Variants in NBEAL2 observed in about 807,000 individuals in gnomAD.
The protein encoded by NBEAL2 is neurobeachin-like protein 2.
NBEAL2 carries 160 observed loss-of-function variants against 299.8 expected under a neutral mutation model. That is an observed-to-expected ratio of 0.53 (90% confidence interval 0.47 to 0.61). NBEAL2 has a LOEUF of 0.61. Among genes scored for constraint, NBEAL2 ranks in the 20% least tolerant of loss-of-function variants. The pLI is 0.00. For missense variants in NBEAL2, 3,112 were observed against 3,649.0 expected (o/e 0.85, Z 3.79); for synonymous variants, 1,493 against 1,542.3 (o/e 0.97, Z 0.75).
rs375310853 is a variant in NBEAL2 at position 47,001,444 on chromosome 3, A to AC, written c.4644+10dup. 11 of 1,610,226 alleles carry AC rather than the reference A, an allele frequency of 6.8e-6. No individual in the cohort carries two copies. The highest frequency in any genetic ancestry group is 1.7e-4 in the Middle Eastern group (1 of 6,058). On this transcript the variant is annotated splice_region_variant and intron_variant, in intron 29 of 53. Coordinates refer to ENST00000450053, the MANE Select transcript of NBEAL2 (RefSeq NM_015175.3). This position sits in a 1 kb window ranked among gnomAD's most constrained non-coding sequence, Gnocchi z 6.1. ...AGGAACTGTGGAGTGAGAAGGTGCG[A>AC]CCCCTCAGAGAGGCGTGAGCCACAT...
rs1480714818 is a variant in NBEAL2 at position 47,002,982 on chromosome 3, C to T, written c.5485C>T (p.Leu1829=). 6.2e-7 allele frequency: 1 copy of T among 1,613,274 alleles called. No individual in the cohort carries two copies. Among genetic ancestry groups the T allele is most frequent in the African/African-American group, 1.3e-5 (1 of 74,944 alleles). The part of the protein sequence containing the change: ...LRDTPIPRWK[L]SSAETYSRMR... ...GGACACTCCCATCCCCCGCTGGAAA[C>T]TGTCCAGCGCCGAGACATATTCACG... Residue 1829 remains leucine (L), a synonymous_variant, in exon 34 of 54, where the codon CTG becomes TTG. Coordinates refer to ENST00000450053, the MANE Select transcript of NBEAL2 (RefSeq NM_015175.3).
Position 47,002,041 on chromosome 3 carries a change from C to T in NBEAL2, c.4904C>T (p.Thr1635Ile). The T allele has an allele frequency of 1.3e-6, 2 of 1,561,230 alleles. No homozygotes were observed. Among genetic ancestry groups the T allele is most frequent in the South Asian group, 1.2e-5 (1 of 85,876 alleles). The change falls in exon 31 of 54, where the codon ACC (threonine) becomes ATC (isoleucine). Residue 1635 changes from threonine (T) to isoleucine (I), a missense_variant. Thr to Ile is a moderately conservative substitution (Grantham distance 89). Transcript: ENST00000450053. The stretch of plus-strand genomic sequence containing the variant: ...GCTGCACTGGGGCGGGTGCTGAACA[C>T]CTCTTCCTTGGAGTCAGCCACTGAT... ...LEAALGRVLN[T>I]SSLESATDEA...
intron 20 of NBEAL2, 95 bp downstream of exon 20, chr3:46,997,789 C>T (rs1575604592): frequency 7.1e-7 from 1 of 1,407,482 alleles, no homozygotes; most frequent in Non-Finnish European, 9.3e-7. Flanking sequence ...CATGAAGAAC[C>T]TCCTGGGAGA....
chr3:47,008,849 G>T (rs980426814), intron 52 of NBEAL2, 140 bp from the exon 53 acceptor site: 4 of 1,449,944 alleles, frequency 2.8e-6, no homozygotes, highest in Non-Finnish European at 3.7e-6. Flanking sequence ...CACAGTTGTG[G>T]GAGATTTCTT....
At position 46,988,727 on chromosome 3, in the gene NBEAL2, G is replaced by A. The variant is rs1273357849; in HGVS notation, c.110G>A (p.Ser37Asn). Residue 37 changes from serine to asparagine, a missense_variant, in exon 2 of 54, where the codon AGC becomes AAC. Physicochemically the swap from Ser to Asn is conservative, Grantham distance 46. This residue lies in a region of NBEAL2 where 2,243 missense variants were observed against 2,538.1 expected (regional missense o/e 0.88). Transcript: ENST00000450053. The surrounding 1 kb of genome is among the most constrained non-coding windows in gnomAD (Gnocchi z 4.4). ...LKAFVGAFKK[S>N]ISLSSLEPRR... is the part of the protein sequence containing the mutation. ...GCCTTTGTAGGTGCCTTCAAGAAGA[G>A]CATCTCACTGTCCTCTCTGGAGCCA... is the stretch of plus-strand genomic sequence containing the variant. 1.2e-6 allele frequency: 2 copies of A among 1,613,874 alleles called. No individual in the cohort carries two copies. Among genetic ancestry groups the A allele is most frequent in the East Asian group, 4.5e-5 (2 of 44,868 alleles).
Position 47,005,106 on chromosome 3 carries a change from T to C in NBEAL2, c.6419+10T>C, listed in dbSNP as rs191879661. Reference sequence around the variant, plus strand: ...AGCTCGTGAGGGAGAAGTGAGCATGTGGGCAGGGCTGGGCTCAGCGGGTAG... The same window carrying C: ...AGCTCGTGAGGGAGAAGTGAGCATGCGGGCAGGGCTGGGCTCAGCGGGTAG... On this transcript the variant is annotated intron_variant, in intron 39 of 53. Transcript: ENST00000450053. The C allele has an allele frequency of 1.2e-6, 2 of 1,613,822 alleles. No individual in the cohort carries two copies. Among genetic ancestry groups the C allele is most frequent in the Non-Finnish European group, 1.7e-6 (2 of 1,179,878 alleles).
chr3:46,984,607 G>A (rs1227032332), intron 1 of NBEAL2, among the ~76,000 whole-genome samples: 2 of 152,206 alleles, frequency 1.3e-5, no homozygotes, highest in African/African-American at 2.4e-5. Flanking sequence ...ATACTGAATG[G>A]GGGGACCCCC....
In NBEAL2 at chr3:46,998,243, G is replaced by T; in HGVS notation, c.3118+17G>T. 6.2e-7 allele frequency: 1 copy of T among 1,605,664 alleles called. No individual in the cohort carries two copies. The highest frequency in any genetic ancestry group is 2.2e-5 in the East Asian group (1 of 44,590). ...TGCGCCTCGGTAGGTGTGAGGACCT[G>T]AGCAAGGGGCCGGCCATAGGGCAGC... is the stretch of plus-strand genomic sequence containing the variant. On this transcript the variant is annotated intron_variant, in intron 21 of 53. Transcript: ENST00000450053.
At position 47,003,138 on chromosome 3, in the gene NBEAL2, G is replaced by C; in HGVS notation, c.5585-36G>C. 6.2e-7 allele frequency: 1 copy of C among 1,608,454 alleles called. No homozygotes were observed. ...ACTCGATTGTCCCGTCTCCTGTCCT[G>C]CCTTGCTTCTGCTGAGTACCCTTGG... On this transcript the variant is annotated intron_variant, in intron 34 of 53. Coordinates refer to ENST00000450053, the MANE Select transcript of NBEAL2 (RefSeq NM_015175.3). The surrounding 1 kb of genome is among the most constrained non-coding windows in gnomAD (Gnocchi z 7.0).
chr3:46,989,716 C>T lies in NBEAL2; in HGVS notation c.556+123C>T. The T allele has an allele frequency of 2.3e-6, 2 of 883,426 alleles. No individual in the cohort carries two copies. Among genetic ancestry groups the T allele is most frequent in the South Asian group, 2.9e-5 (2 of 67,862 alleles). The allele number at this position is 883,426 out of a possible 1,614,324, so 54.7% of individuals were successfully genotyped here. A position where few individuals can be genotyped will look rare whatever the true frequency, so the allele number is the denominator to read the frequency against. On this transcript the variant is annotated intron_variant, in intron 6 of 53. Coordinates refer to ENST00000450053, the MANE Select transcript of NBEAL2 (RefSeq NM_015175.3). The surrounding 1 kb of genome is among the most constrained non-coding windows in gnomAD (Gnocchi z 5.5). Reference sequence around the variant, plus strand: ...TGGCTGCATGCAGGACTGGGAGAACCAAAGACCAAGCAAGAGTTTAGGGAC... The same window carrying T: ...TGGCTGCATGCAGGACTGGGAGAACTAAAGACCAAGCAAGAGTTTAGGGAC...
rs1382490741 is a variant in NBEAL2 at position 47,001,854 on chromosome 3, G to A, written c.4782+28G>A. On this transcript the variant is annotated intron_variant, in intron 30 of 53. Transcript: ENST00000450053. The surrounding 1 kb of genome is among the most constrained non-coding windows in gnomAD (Gnocchi z 6.1). ...GAGCACAGGGTGAGCATGGGGGCAG[G>A]GGGCGTGTGAGATGTCGGGAGCTCC... 5 of 1,611,202 alleles carry A rather than the reference G, an allele frequency of 3.1e-6. No homozygotes were observed. The highest frequency in any genetic ancestry group is 4.2e-6 in the Non-Finnish European group (5 of 1,178,028).
intron 1 of NBEAL2, among the ~76,000 whole-genome samples, chr3:46,981,447 A>T (rs894987550): frequency 6.6e-6 from 1 of 151,858 alleles, no homozygotes; most frequent in East Asian, 1.9e-4. Context: ...TCTCAAAAAA[A>T]TAAAATAAAA....
At position 46,999,140 on chromosome 3, in the gene NBEAL2, C is replaced by T. The variant is rs371665741; in HGVS notation, c.3543+23C>T. 2.2e-5 allele frequency: 34 copies of T among 1,554,232 alleles called. No individual in the cohort carries two copies. The African/African-American group carries it at 4.4e-4, about 20-fold the overall frequency. ...AAGGTACACCCAGCCCACCCCCTCC[C>T]CTGGCATCCCATTCACTGGGGCCCC... is the stretch of plus-strand genomic sequence containing the variant. On this transcript the variant is annotated intron_variant, in intron 24 of 53. Transcript: ENST00000450053.
At chr3:46,996,643 T>C (rs1166269355) in intron 16 of NBEAL2, 51 bp downstream of exon 16, 5 of 1,355,020 alleles carry the variant, frequency 3.7e-6, no homozygotes, top group Non-Finnish European at 4.8e-6. Flanking sequence ...AAGCTAGGGG[T>C]CCGGGGGGAG....
In NBEAL2 at chr3:47,009,379, G is replaced by A; in HGVS notation, c.*59G>A. The A allele has an allele frequency of 6.7e-7, 1 of 1,500,328 alleles. No individual in the cohort carries two copies. The highest frequency in any genetic ancestry group is 9.0e-7 in the Non-Finnish European group (1 of 1,107,984). The allele number at this position is 1,500,328 out of a possible 1,614,324, so 92.9% of individuals were successfully genotyped here. On this transcript the variant is annotated 3_prime_UTR_variant, in exon 54 of 54. Transcript: ENST00000450053. ...CGGCAGGCCTGGCCCGGGAGGCCCC[G>A]CCCAGAAGTCGGCGGGAACACCCCG...
intron 44 of NBEAL2, 27 bp from the exon 45 acceptor site, chr3:47,006,306 T>C (rs999943301): frequency 1.2e-6 from 2 of 1,603,098 alleles, no homozygotes; most frequent in African/African-American, 2.7e-5. Context: ...GCCCATGCCA[T>C]GGTGCTGACC....
rs745778723 is a variant in NBEAL2 at position 46,996,260 on chromosome 3, C to T, written c.2152-11C>T. On this transcript the variant is annotated splice_polypyrimidine_tract_variant and intron_variant, in intron 15 of 53. Transcript: ENST00000450053. ...TGTGACCTGACCGCTCCCCCAACCCCGGCCCCACAGCCTTTCTCCTCCTGC... is the reference window on the plus strand; with the variant it reads ...TGTGACCTGACCGCTCCCCCAACCCTGGCCCCACAGCCTTTCTCCTCCTGC... 3.1e-5 allele frequency: 50 copies of T among 1,604,042 alleles called. No homozygotes were observed. In the Admixed American group the frequency reaches 3.2e-4, roughly 10 times the overall value.
chr3:46,985,681 C>G (rs989982738), intron 1 of NBEAL2, among the ~76,000 whole-genome samples: 1 of 152,224 alleles, frequency 6.6e-6, no homozygotes, highest in South Asian at 2.1e-4. Flanking sequence ...GCTGCAGGAC[C>G]TGGGCATCAC....
At chr3:46,985,841 C>T (rs368385116) in intron 1 of NBEAL2, among the ~76,000 whole-genome samples, 5 of 152,298 alleles carry the variant, frequency 3.3e-5, no homozygotes, top group African/African-American at 9.6e-5. Flanking sequence ...CTGGCACAAC[C>T]GACCAAGGCA....
Sources: gnomAD v4.1 joint callset for allele counts (sites outside exome capture counted in the v4.1 genomes callset) on GRCh38, gnomAD v4.1.1 for gene constraint, gnomAD v4.1.1 regional missense constraint, Gnocchi (gnomAD v3.1) non-coding constraint, MANE v1.5 for transcripts, NCBI Gene and HGNC (gene_info 2026-07-23, HGNC 2026-07-21) for gene names.